The following LMBR1 variants were observed in gnomAD, a reference collection of about 807,000 sequenced individuals.
The protein encoded by LMBR1 is limb development membrane protein 1, also known as limb region 1 protein homolog.
A neutral mutation model predicts 73.9 loss-of-function variants in LMBR1; 52 were observed. That is an observed-to-expected ratio of 0.70 (90% CI 0.56 to 0.89). The LOEUF is 0.89. Ranked by LOEUF, LMBR1 falls within the 40% of genes least tolerant of loss-of-function variation. The pLI is 0.00. For synonymous variants in LMBR1, 215 were observed against 209.4 expected (o/e 1.03, Z -0.23); for missense variants, 539 against 579.8 (o/e 0.93, Z 0.72).
rs965418976 is a variant in LMBR1, at chr7:156,683,968, G to C, written c.*110C>G. On this transcript the variant is annotated 3_prime_UTR_variant, in exon 17 of 17. Coordinates refer to ENST00000353442, the MANE Select transcript of LMBR1 (RefSeq NM_022458.4). ...AAAAAAAATGGCACTGATAGGTCTAGGTTCTGAAGAGGGGCCACGGTTGAA... is the reference window on the plus strand; with the variant it reads ...AAAAAAAATGGCACTGATAGGTCTACGTTCTGAAGAGGGGCCACGGTTGAA... 26 of 839,758 alleles carry C rather than the reference G, an allele frequency of 3.1e-5. No homozygotes were observed. The highest frequency in any genetic ancestry group is 5.1e-5 in the Non-Finnish European group (26 of 510,272). The allele number at this position is 839,758 out of a possible 1,614,324, so 52.0% of individuals were successfully genotyped here. A position where few individuals can be genotyped will look rare whatever the true frequency, so the allele number is the denominator to read the frequency against.
At chr7:156,748,386 T>C (rs1176814297) in intron 9 of LMBR1, among the ~76,000 whole-genome samples, 1 of 152,230 alleles carries the variant, frequency 6.6e-6, no homozygotes, top group Non-Finnish European at 1.5e-5. Flanking sequence ...TTTTAAACTT[T>C]TATGTTTATA....
At chr7:156,727,883 T>A in intron 12 of LMBR1, 47 bp downstream of exon 12, 2 of 1,323,874 alleles carry the variant, frequency 1.5e-6, no homozygotes, top group South Asian at 2.4e-5. Flanking sequence ...GGTATAGACA[T>A]AGAATACTTT....
chr7:156,676,382 T>C (rs765727420), downstream of LMBR1: 2 of 1,613,868 alleles, frequency 1.2e-6, no homozygotes, highest in Non-Finnish European at 1.7e-6. Context: ...GTGATGAAAC[T>C]AACCCGCGTG....
At chr7:156,833,078 A>G (rs1381512566) in intron 3 of LMBR1, among the ~76,000 whole-genome samples, 2 of 152,234 alleles carry the variant, frequency 1.3e-5, no homozygotes, top group Non-Finnish European at 2.9e-5. Context: ...GAGGAAATGA[A>G]GCATCAGATG....
At chr7:156,819,173 G>A (rs1834373439) in intron 4 of LMBR1, among the ~76,000 whole-genome samples, 1 of 152,150 alleles carries the variant, frequency 6.6e-6, no homozygotes, top group Admixed American at 6.5e-5. Flanking sequence ...TATTTTATTT[G>A]TGTTACAAAA....
chr7:156,839,036 C>T (rs1371832559), intron 1 of LMBR1, among the ~76,000 whole-genome samples: 3 of 143,280 alleles, frequency 2.1e-5, no homozygotes, highest in Admixed American at 1.4e-4. Context: ...AATATCTATT[C>T]TAGTCCTTTG....
chr7:156,789,049 A>AAAAT (rs901991414), intron 5 of LMBR1, among the ~76,000 whole-genome samples: 1 of 152,172 alleles, frequency 6.6e-6, no homozygotes, highest in Non-Finnish European at 1.5e-5. Context: ...TCTGTCTCTA[A>AAAAT]AAATAAATAA....
chr7:156,680,534 T>C lies in LMBR1; in HGVS notation c.*3544A>G, dbSNP rs1430127533. On this transcript the variant is annotated 3_prime_UTR_variant, in exon 17 of 17. Transcript: ENST00000353442. ...ACAGCATTTATTCTTCCAGGAACTC[T>C]GGGTTAAGCTGTCCAGACCACAAGT... 6.6e-6 allele frequency: 1 copy of C among 152,238 alleles called. No homozygotes were observed. The highest frequency in any genetic ancestry group is 2.4e-5 in the African/African-American group (1 of 41,438). The allele number at this position is 152,238 out of a possible 1,614,324, so 9.4% of individuals were successfully genotyped here.
At position 156,763,750 on chromosome 7, in the gene LMBR1, G is replaced by T; in HGVS notation, c.469C>A (p.Leu157Ile). 6.2e-7 allele frequency: 1 copy of T among 1,603,924 alleles called. No homozygotes were observed. Among genetic ancestry groups the T allele is most frequent in the Non-Finnish European group, 8.5e-7 (1 of 1,177,112 alleles). ...ACTATCCCAAGAATGAGTAACGCAA[G>T]AAGAAGAAGCATGACCAAAGTCTCT... The part of the protein sequence containing the change: ...ILETLVMLLL[L>I]ALLILGIVWV... The change falls in exon 6 of 17, where the codon CTT (leucine) becomes ATT (isoleucine). Residue 157 changes from leucine (L) to isoleucine (I), a missense_variant. Transcript: ENST00000353442.
chr7:156,830,055 C>G (rs993099890), intron 3 of LMBR1, among the ~76,000 whole-genome samples: 1 of 152,202 alleles, frequency 6.6e-6, no homozygotes, highest in African/African-American at 2.4e-5. Flanking sequence ...TCCTTACGGT[C>G]AAATCCATCA....
intron 10 of LMBR1, among the ~76,000 whole-genome samples, chr7:156,729,995 GTAC>G (rs1183986059): frequency 6.6e-6 from 1 of 152,194 alleles, no homozygotes; most frequent in East Asian, 1.9e-4. Flanking sequence ...CCTCCAATTT[GTAC>G]TACACCTTCT....
intron 9 of LMBR1, among the ~76,000 whole-genome samples, chr7:156,754,329 C>T (rs917740753): frequency 3.3e-5 from 5 of 152,164 alleles, no homozygotes; most frequent in Non-Finnish European, 4.4e-5. Context: ...CTAGTAATAT[C>T]ATAACTACCA....
At chr7:156,809,072 A>G (rs2160099) in intron 4 of LMBR1, among the ~76,000 whole-genome samples, 6 of 151,926 alleles carry the variant, frequency 3.9e-5, no homozygotes, top group Non-Finnish European at 1.5e-5. Context: ...GCTTCTCTAC[A>G]TATAAACTGC....
chr7:156,876,697 T>A (rs532917050), intron 1 of LMBR1, among the ~76,000 whole-genome samples: 32 of 152,116 alleles, frequency 2.1e-4, no homozygotes, highest in African/African-American at 6.7e-4. Context: ...ACATGGAAAT[T>A]AAATAACCTG....
chr7:156,813,072 T>C (rs1415750021), intron 4 of LMBR1, among the ~76,000 whole-genome samples: 1 of 152,222 alleles, frequency 6.6e-6, no homozygotes, highest in Non-Finnish European at 1.5e-5. Flanking sequence ...GCTTTTAAAG[T>C]GTTTCTCTAC....
chr7:156,760,333 A>G (rs1822738963), intron 8 of LMBR1, among the ~76,000 whole-genome samples: 1 of 152,208 alleles, frequency 6.6e-6, no homozygotes, highest in African/African-American at 2.4e-5. Context: ...TTCGTTTTAT[A>G]TACGTTGAGT....
chr7:156,688,417 T>C (rs1806420091), intron 15 of LMBR1, among the ~76,000 whole-genome samples: 1 of 151,818 alleles, frequency 6.6e-6, no homozygotes, highest in Non-Finnish European at 1.5e-5. Flanking sequence ...CACTAGCAAG[T>C]GATGAGTAAT....
rs1807226173 is a variant in LMBR1, at chr7:156,691,751, A to C, written c.1226-3560T>G. Among the ~76,000 whole-genome samples, 2 of 152,174 alleles carry C rather than the reference A, an allele frequency of 1.3e-5. 1 individual carries two copies. Among genetic ancestry groups the C allele is most frequent in the Admixed American group, 1.3e-4 (2 of 15,284 alleles). ...CGTACATCTTGTTATTTTAAAAAAAAAACTTATAGATTAAATGTTCTTTGC... is the reference window on the plus strand; with the variant it reads ...CGTACATCTTGTTATTTTAAAAAAACAACTTATAGATTAAATGTTCTTTGC... On this transcript the variant is annotated intron_variant, in intron 15 of 16. Transcript: ENST00000353442.
At chr7:156,752,380 T>G (rs1821066645) in intron 9 of LMBR1, among the ~76,000 whole-genome samples, 1 of 152,190 alleles carries the variant, frequency 6.6e-6, no homozygotes, top group Non-Finnish European at 1.5e-5. Context: ...TAGCATATCT[T>G]TATGCTGATG....
Sources: gnomAD v4.1 joint callset for allele counts (sites outside exome capture counted in the v4.1 genomes callset) on GRCh38, gnomAD v4.1.1 for gene constraint, MANE v1.5 for transcripts, NCBI Gene and HGNC (gene_info 2026-07-23, HGNC 2026-07-21) for gene names.